IFT172: variants seen among roughly 807,000 people sequenced by gnomAD.
IFT172 encodes intraflagellar transport protein 172 homolog.
A neutral mutation model predicts 248.9 loss-of-function variants in IFT172; 164 were observed. That is an observed-to-expected ratio of 0.66 (90% CI 0.58 to 0.75). The LOEUF (loss-of-function observed/expected upper bound fraction) is 0.75, where lower values mean the gene tolerates loss of function less well. IFT172 is among the 30% of genes least tolerant of loss of function. IFT172 has a pLI of 0.00. For synonymous variants in IFT172, 729 were observed against 791.6 expected (o/e 0.92, Z 1.33); for missense variants, 1,950 against 2,192.4 (o/e 0.89, Z 2.21).
rs2148558492 is a variant in IFT172, at chr2:27,484,683, C to T, written c.296+335G>A. ...AGAAAGAGCAGATTTCTTCCCTGGC[C>T]CAGTAGTATTTCTGACTACTCTGTA... On this transcript the variant is annotated intron_variant, in intron 3 of 47. Transcript: ENST00000260570. Among the ~76,000 whole-genome samples, 4 of 152,190 alleles carry T rather than the reference C, an allele frequency of 2.6e-5. 1 individual carries two copies. The highest frequency in any genetic ancestry group is 2.6e-4 in the Admixed American group (4 of 15,296).
At chr2:27,456,874 A>G (rs978780374) in intron 29 of IFT172, among the ~76,000 whole-genome samples, 3 of 151,754 alleles carry the variant, frequency 2.0e-5, no homozygotes, top group African/African-American at 7.3e-5. Flanking sequence ...GTGAAACCCC[A>G]TCTCTACTAA....
intron 8 of IFT172, among the ~76,000 whole-genome samples, chr2:27,480,484 A>G (rs1048553736): frequency 6.6e-6 from 1 of 152,202 alleles, no homozygotes; most frequent in African/African-American, 2.4e-5. Context: ...ACAAGGAGAC[A>G]TAAGATTGAA....
chr2:27,471,256 T>C (rs981414277), intron 15 of IFT172, 161 bp from the exon 16 acceptor site: 8 of 608,292 alleles, frequency 1.3e-5, no homozygotes, highest in Non-Finnish European at 1.9e-5. Flanking sequence ...AGCTGGTATA[T>C]CCTAACTCTG....
At chr2:27,488,034 G>A (rs1668888087) in intron 1 of IFT172, among the ~76,000 whole-genome samples, 1 of 152,176 alleles carries the variant, frequency 6.6e-6, no homozygotes, top group South Asian at 2.1e-4. Flanking sequence ...CCAGGCTGGA[G>A]TGCAGTGGTG....
At chr2:27,462,878 G>A in intron 19 of IFT172, 85 bp from the exon 20 acceptor site, 1 of 1,379,948 alleles carries the variant, frequency 7.2e-7, no homozygotes. Flanking sequence ...CCAGAAGGAT[G>A]TAGAAAACAA....
At chr2:27,489,307 T>C (rs1457919462) in intron 1 of IFT172, among the ~76,000 whole-genome samples, 1 of 152,186 alleles carries the variant, frequency 6.6e-6, no homozygotes. Flanking sequence ...GCTGCTTACA[T>C]GTGCACCTCA....
chr2:27,453,442 C>A lies in IFT172; in HGVS notation c.3893G>T (p.Cys1298Phe). The change falls in exon 35 of 48, where the codon TGC becomes TTC. Residue 1298 changes from cysteine (C) to phenylalanine (F), a missense_variant. Physicochemically the swap from Cys to Phe is radical, Grantham distance 205. Coordinates refer to ENST00000260570, the MANE Select transcript of IFT172 (RefSeq NM_015662.3). ...QAGEYSRAVD[C>F]YLKVRDSGNS... ...TCCAGAGTCTCGCACTTTGAGGTAG[C>A]AGTCCACGGCACGGCTGTACTCTCC... 3.1e-6 allele frequency: 5 copies of A among 1,614,228 alleles called. No homozygotes were observed. The highest frequency in any genetic ancestry group is 4.2e-6 in the Non-Finnish European group (5 of 1,180,036).
chr2:27,454,688 T>A lies in IFT172; in HGVS notation c.3372-28A>T. ...GAAACAGAAAGTGCAGATAAAGTTT[T>A]CTTGCTTCATGCTTCCCTTCATAAA... is the stretch of plus-strand genomic sequence containing the variant. On this transcript the variant is annotated intron_variant, in intron 30 of 47. Transcript: ENST00000260570. The surrounding 1 kb of genome is among the most constrained non-coding windows in gnomAD (Gnocchi z 4.2). The A allele has an allele frequency of 6.3e-7, 1 of 1,589,158 alleles. No individual in the cohort carries two copies. Among genetic ancestry groups the A allele is most frequent in the Middle Eastern group, 1.7e-4 (1 of 6,004 alleles).
In IFT172 at chr2:27,472,366, T is replaced by C. The variant is rs1255074264; in HGVS notation, c.1412-4A>G. 3 of 1,610,642 alleles carry C rather than the reference T, an allele frequency of 1.9e-6. No homozygotes were observed. The highest frequency in any genetic ancestry group is 2.7e-5 in the African/African-American group (2 of 74,964). ...TTGTAGCCACCAATCAGATCCACTA[T>C]AGAATAAAGGAGACAGGGTTAAGAA... On this transcript the variant is annotated splice_region_variant and splice_polypyrimidine_tract_variant and intron_variant, in intron 14 of 47. Transcript: ENST00000260570.
intron 14 of IFT172, among the ~76,000 whole-genome samples, chr2:27,473,195 T>C (rs553707580): frequency 1.7e-3 from 259 of 151,194 alleles, no homozygotes; most frequent in Middle Eastern, 3.4e-3. Flanking sequence ...GGTGAAACCC[T>C]GTCTCTACTA....
chr2:27,472,038 C>CAA (rs34330432), intron 15 of IFT172: 795 of 501,516 alleles, frequency 1.6e-3, no homozygotes, highest in East Asian at 2.8e-3. Flanking sequence ...ACACTGTCTC[C>CAA]AAAAAAAAAA....
chr2:27,452,778 G>A (rs977705799), intron 35 of IFT172, among the ~76,000 whole-genome samples: 1 of 152,210 alleles, frequency 6.6e-6, no homozygotes, highest in Non-Finnish European at 1.5e-5. Flanking sequence ...AATTATAGGC[G>A]TGAGCCACCA....
In IFT172 at chr2:27,447,540, G is replaced by C. The variant is rs1331200488; in HGVS notation, c.4634C>G (p.Ser1545Cys). 1 of 1,614,000 alleles carries C rather than the reference G, an allele frequency of 6.2e-7. No homozygotes were observed. Among genetic ancestry groups the C allele is most frequent in the Non-Finnish European group, 8.5e-7 (1 of 1,180,002 alleles). Reference protein sequence around the residue: ...LLIAHYYATRSAAQSVKQLET... With the variant: ...LLIAHYYATRCAAQSVKQLET... ...CAGCTGTTTGACACTCTGGGCTGCA[G>C]AGCGCGTGGCATAGTAATGAGCGAT... The change falls in exon 42 of 48, where the codon TCT (serine) becomes TGT (cysteine). Residue 1545 changes from serine (S) to cysteine (C), a missense_variant. Physicochemically the swap from Ser to Cys is moderately radical, Grantham distance 112. Coordinates refer to ENST00000260570, the MANE Select transcript of IFT172 (RefSeq NM_015662.3).
rs1423106803 is a variant in IFT172, at chr2:27,465,843, C to T, written c.1732G>A (p.Glu578Lys). Residue 578 changes from glutamate (E) to lysine (K), a missense_variant, in exon 17 of 48, where the codon GAG becomes AAG. Coordinates refer to ENST00000260570, the MANE Select transcript of IFT172 (RefSeq NM_015662.3). Reference sequence around the variant, plus strand: ...GTCACACCTTCCATCACCATCACCTCGGTCTTTCCCCCGCCCCGCTCCAGA... The same window carrying T: ...GTCACACCTTCCATCACCATCACCTTGGTCTTTCCCCCGCCCCGCTCCAGA... ...IGLERGGGKT[E>K]VMVMEGVTTV... 5.0e-6 allele frequency: 8 copies of T among 1,613,944 alleles called. No homozygotes were observed. Among genetic ancestry groups the T allele is most frequent in the East Asian group, 2.2e-5 (1 of 44,886 alleles).
At chr2:27,458,468 C>T (rs758958825) in intron 26 of IFT172, among the ~76,000 whole-genome samples, 7 of 152,112 alleles carry the variant, frequency 4.6e-5, no homozygotes, top group Non-Finnish European at 1.0e-4. Context: ...ACCACGGTAA[C>T]CACTGGACTC....
intron 16 of IFT172, among the ~76,000 whole-genome samples, chr2:27,467,780 GATA>G (rs1360718179): frequency 6.6e-6 from 1 of 152,128 alleles, no homozygotes; most frequent in Non-Finnish European, 1.5e-5. Context: ...CGTTCAAAGA[GATA>G]ATAACTAAGA....
intron 18 of IFT172, among the ~76,000 whole-genome samples, chr2:27,464,691 T>A (rs549454476): frequency 2.2e-3 from 332 of 152,126 alleles, no homozygotes; most frequent in Non-Finnish European, 3.5e-3. Flanking sequence ...TGATCTCAGC[T>A]CACCGCAACT....
chr2:27,468,159 CAAA>C (rs11284567), intron 16 of IFT172, among the ~76,000 whole-genome samples: 5 of 122,894 alleles, frequency 4.1e-5, no homozygotes, highest in Admixed American at 8.1e-5. Flanking sequence ...GACTCTGTCT[CAAA>C]AAAAAAAAAA....
chr2:27,473,694 A>G (rs1417562993), intron 14 of IFT172, among the ~76,000 whole-genome samples: 2 of 152,172 alleles, frequency 1.3e-5, no homozygotes, highest in African/African-American at 4.8e-5. Context: ...GAACCCTGAA[A>G]TTATACACAA....
Sources: allele counts gnomAD v4.1 joint callset (sites outside exome capture counted in the v4.1 genomes callset), GRCh38; gene constraint gnomAD v4.1.1; non-coding constraint Gnocchi (gnomAD v3.1); transcripts MANE v1.5; gene names NCBI Gene and HGNC (gene_info 2026-07-23, HGNC 2026-07-21).